The following MCPH1 variants were observed in gnomAD, a reference collection of about 807,000 sequenced individuals.
MCPH1 encodes the protein microcephalin 1, also known as microcephalin.
MCPH1 carries 104 observed loss-of-function variants against 84.5 expected under a neutral mutation model. The ratio of observed to expected loss-of-function variants is 1.23; its 90% confidence interval spans 1.05 to 1.45. The LOEUF (loss-of-function observed/expected upper bound fraction) is 1.45, where lower values mean the gene tolerates loss of function less well. Ranked by LOEUF, MCPH1 falls within the 40% of genes most tolerant of loss-of-function variation. The pLI is 0.00. For synonymous variants in MCPH1, 514 were observed against 366.8 expected, an observed-to-expected ratio of 1.40 and a Z score of -4.58; for missense variants, 1,498 against 1,005.7, an observed-to-expected ratio of 1.49 and a Z score of -6.62.
chr8:6,446,716 T>G, intron 8 of MCPH1: 1 of 985,344 alleles, frequency 1.0e-6, no homozygotes, highest in African/African-American at 1.7e-5. Context: ...TCTTTCCAGT[T>G]TTCACCTTGT....
At chr8:6,634,481 A>G (rs897422005) in intron 13 of MCPH1, among the ~76,000 whole-genome samples, 3 of 141,980 alleles carry the variant, frequency 2.1e-5, no homozygotes, top group Non-Finnish European at 4.9e-5. Context: ...AAGGATGCCA[A>G]GGACAGAATG....
chr8:6,633,504 TG>T (rs963159230), intron 13 of MCPH1, among the ~76,000 whole-genome samples: 13 of 152,208 alleles, frequency 8.5e-5, no homozygotes, highest in African/African-American at 2.7e-4. Context: ...TTAAACTTTT[TG>T]AGTGCCAATC....
intron 13 of MCPH1, among the ~76,000 whole-genome samples, chr8:6,633,857 G>A (rs1327478907): frequency 1.3e-5 from 2 of 152,166 alleles, no homozygotes; most frequent in African/African-American, 4.8e-5. Flanking sequence ...GAAAAGGCCT[G>A]CAGATCCCCC....
intron 9 of MCPH1, among the ~76,000 whole-genome samples, chr8:6,468,827 TA>T (rs1807333090): frequency 6.6e-6 from 1 of 151,968 alleles, no homozygotes; most frequent in African/African-American, 2.4e-5. Context: ...TGAATTTGAG[TA>T]AAAAACAGTC....
In MCPH1 at chr8:6,412,172, G is replaced by T. The variant is rs556620227; in HGVS notation, c.115-2593G>T. On this transcript the variant is annotated intron_variant, in intron 2 of 13. Coordinates refer to ENST00000344683, the MANE Select transcript of MCPH1 (RefSeq NM_024596.5). ...GTCAGTGGAGAGGAATCCGAATATA[G>T]GAGCAGGGCCTGCACTGCAGGAGGG... 1.2e-3 allele frequency among the ~76,000 whole-genome samples: 182 copies of T among 152,256 alleles called. 1 individual carries two copies. The highest frequency in any genetic ancestry group is 4.0e-3 in the African/African-American group (167 of 41,540).
chr8:6,445,520 G>A lies in MCPH1; in HGVS notation c.1798G>A (p.Glu600Lys). ...CATGGAGACGTCTACAGAAGAGAAG[G>A]AAAACTTACCCGGAGGATACAGTGG... ...CNMETSTEEK[E>K]NLPGGYSGSV... Residue 600 changes from glutamate (E) to lysine (K), a missense_variant, in exon 8 of 14, where the codon GAA becomes AAA. Glu to Lys is a moderately conservative substitution (Grantham distance 56). Coordinates refer to ENST00000344683, the MANE Select transcript of MCPH1 (RefSeq NM_024596.5). 1 of 1,606,656 alleles carries A rather than the reference G, an allele frequency of 6.2e-7. No homozygotes were observed. Among genetic ancestry groups the A allele is most frequent in the Non-Finnish European group, 8.5e-7 (1 of 1,177,450 alleles).
At chr8:6,471,694 A>G (rs555004678) in intron 9 of MCPH1, among the ~76,000 whole-genome samples, 3 of 151,512 alleles carry the variant, frequency 2.0e-5, no homozygotes, top group Non-Finnish European at 4.4e-5. Flanking sequence ...TCTGCTTCTC[A>G]ATGAGGGTTA....
intron 12 of MCPH1, among the ~76,000 whole-genome samples, chr8:6,550,016 C>G (rs950276980): frequency 6.6e-6 from 1 of 152,156 alleles, no homozygotes; most frequent in Non-Finnish European, 1.5e-5. Flanking sequence ...CATTCGGGGA[C>G]GGGGGACGTG....
chr8:6,615,953 T>A (rs1388042100), intron 12 of MCPH1: 3 of 152,204 alleles, frequency 2.0e-5, no homozygotes, highest in African/African-American at 7.2e-5. Context: ...ATTTATTTAA[T>A]ACCTCGAGGA....
At chr8:6,611,347 G>A (rs1472801102) in intron 12 of MCPH1, among the ~76,000 whole-genome samples, 7 of 152,118 alleles carry the variant, frequency 4.6e-5, no homozygotes, top group African/African-American at 1.4e-4. Context: ...CGTTCTAACT[G>A]ACCAGCGGTA....
intron 3 of MCPH1, among the ~76,000 whole-genome samples, chr8:6,420,841 G>C (rs556550794): frequency 1.3e-5 from 2 of 152,146 alleles, no homozygotes; most frequent in Admixed American, 6.5e-5. Context: ...TTCAGTTCTT[G>C]CTTCCTCAAA....
chr8:6,562,589 C>T, intron 12 of MCPH1: 1 of 150,304 alleles, frequency 6.7e-6, no homozygotes, highest in Non-Finnish European at 1.2e-5. Flanking sequence ...AAAACCTGAG[C>T]TGCTGCCAAG....
intron 12 of MCPH1, chr8:6,521,258 T>A: frequency 6.2e-7 from 1 of 1,613,988 alleles, no homozygotes; most frequent in Non-Finnish European, 8.5e-7. Flanking sequence ...AACTGAATTA[T>A]TCACCGTGGC....
intron 11 of MCPH1, among the ~76,000 whole-genome samples, chr8:6,485,338 T>C (rs1035006035): frequency 1.3e-5 from 2 of 151,618 alleles, no homozygotes; most frequent in African/African-American, 2.4e-5. Context: ...AAAAAAAAAG[T>C]ATATCTTACA....
chr8:6,518,403 TC>T (rs1440061307), intron 12 of MCPH1, among the ~76,000 whole-genome samples: 1 of 152,238 alleles, frequency 6.6e-6, no homozygotes, highest in Non-Finnish European at 1.5e-5. Context: ...GTGGGTTTGT[TC>T]CCTTCCTTCC....
At position 6,521,275 on chromosome 8, in the gene MCPH1, T is replaced by G. The variant is rs769612050; in HGVS notation, c.2214+21346T>G. The G allele has an allele frequency of 1.1e-5, 17 of 1,613,930 alleles. No homozygotes were observed. In the African/African-American group the frequency reaches 1.5e-4, roughly 14 times the overall value. ...CTGAATTATTCACCGTGGCAGTCAC[T>G]ATTTTTTTTTCTAGTTCTTCAATGA... On this transcript the variant is annotated intron_variant, in intron 12 of 13. Coordinates refer to ENST00000344683, the MANE Select transcript of MCPH1 (RefSeq NM_024596.5).
intron 2 of MCPH1, among the ~76,000 whole-genome samples, chr8:6,412,933 T>A (rs1798744774): frequency 6.6e-6 from 1 of 152,212 alleles, no homozygotes; most frequent in Admixed American, 6.5e-5. Context: ...CGCTTTGCAG[T>A]ACATTTCCTT....
At chr8:6,459,943 A>G (rs1382989045) in intron 9 of MCPH1, among the ~76,000 whole-genome samples, 1 of 152,220 alleles carries the variant, frequency 6.6e-6, no homozygotes, top group Non-Finnish European at 1.5e-5. Flanking sequence ...TGGATGCAGA[A>G]CCGCGAGAAG....
At chr8:6,408,877 T>C (rs968096540) in intron 1 of MCPH1, among the ~76,000 whole-genome samples, 2 of 135,700 alleles carry the variant, frequency 1.5e-5, no homozygotes, top group Non-Finnish European at 3.2e-5. Flanking sequence ...AGTAAATTTT[T>C]GTTTTACTTT....
Sources: gnomAD v4.1 joint callset for allele counts (sites outside exome capture counted in the v4.1 genomes callset) on GRCh38, gnomAD v4.1.1 for gene constraint, MANE v1.5 for transcripts, NCBI Gene and HGNC (gene_info 2026-07-23, HGNC 2026-07-21) for gene names.